Variants in SORCS2 observed in about 807,000 individuals in gnomAD.
The protein encoded by SORCS2 is sortilin related VPS10 domain containing receptor 2.
SORCS2 carries 100 observed loss-of-function variants against 141.6 expected under a neutral mutation model. The observed-to-expected ratio is 0.71, with a 90% CI of 0.60 to 0.83. The LOEUF is 0.83. Among genes scored for constraint, SORCS2 ranks in the 40% least tolerant of loss-of-function variants. The pLI is 0.00. For missense variants in SORCS2, 1,646 were observed against 1,560.2 expected (o/e 1.05, Z -0.93); for synonymous variants, 789 against 676.9 (o/e 1.17, Z -2.57).
intron 3 of SORCS2, among the ~76,000 whole-genome samples, chr4:7,596,409 T>C (rs1396304726): frequency 1.3e-5 from 2 of 152,190 alleles, no homozygotes; most frequent in Non-Finnish European, 2.9e-5. Context: ...GACCTGCATG[T>C]CAGATTCTGT....
At chr4:7,348,816 G>A (rs935279105) in intron 1 of SORCS2, among the ~76,000 whole-genome samples, 4 of 152,216 alleles carry the variant, frequency 2.6e-5, no homozygotes, top group East Asian at 1.9e-4. Flanking sequence ...GTCTCCCAAA[G>A]TGCAGGGATT....
chr4:7,358,624 G>A (rs930325436), intron 1 of SORCS2, among the ~76,000 whole-genome samples: 5 of 152,152 alleles, frequency 3.3e-5, no homozygotes, highest in Admixed American at 6.5e-5. Context: ...TCTAAGTAGC[G>A]TTTCTATTTG....
intron 2 of SORCS2, among the ~76,000 whole-genome samples, chr4:7,450,038 C>G (rs1728340189): frequency 7.2e-5 from 11 of 152,228 alleles, no homozygotes; most frequent in Admixed American, 7.2e-4. Flanking sequence ...TTTCCTGTGT[C>G]TTGTCAGGGT....
chr4:7,604,648 C>G (rs1482863216), intron 3 of SORCS2, among the ~76,000 whole-genome samples: 1 of 152,234 alleles, frequency 6.6e-6, no homozygotes, highest in Non-Finnish European at 1.5e-5. Context: ...CACATTCATT[C>G]TCTCTTCTGT....
rs117965385 is a variant in SORCS2 at position 7,527,069 on chromosome 4, A to T, written c.549-4461A>T. On this transcript the variant is annotated intron_variant, in intron 2 of 26. Transcript: ENST00000507866. ...CTGCGGGTCAGTGGTGCTGCCCGAC[A>T]ATGCGGGTCCAGCCCTCTCTGTGGC... 1.5e-3 allele frequency among the ~76,000 whole-genome samples: 229 copies of T among 152,300 alleles called. 5 individuals are homozygous for T. The East Asian group carries it at 0.034, about 23-fold the overall frequency.
chr4:7,287,915 C>G (rs917921629), intron 1 of SORCS2, among the ~76,000 whole-genome samples: 1 of 152,210 alleles, frequency 6.6e-6, no homozygotes, highest in Non-Finnish European at 1.5e-5. Context: ...GCATGTAAAT[C>G]CTCCACATGC....
At chr4:7,434,303 G>T (rs1464100123) in intron 2 of SORCS2, 1 of 1,611,832 alleles carries the variant, frequency 6.2e-7, no homozygotes, top group Non-Finnish European at 8.5e-7. Flanking sequence ...TCCTGGAGTC[G>T]GGAGACCTGC....
intron 3 of SORCS2, among the ~76,000 whole-genome samples, chr4:7,543,844 T>TCATC (rs1712980643): frequency 8.2e-5 from 1 of 12,244 alleles, no homozygotes; most frequent in African/African-American, 3.3e-4. Context: ...ATCCATCCAC[T>TCATC]CATCCGTCCA....
chr4:7,378,351 C>T (rs1260866332), intron 1 of SORCS2, among the ~76,000 whole-genome samples: 2 of 152,058 alleles, frequency 1.3e-5, no homozygotes, highest in African/African-American at 4.8e-5. Flanking sequence ...TGAAGAAATA[C>T]CCGAGACTGG....
At chr4:7,353,797 C>A (rs1721091434) in intron 1 of SORCS2, among the ~76,000 whole-genome samples, 1 of 152,100 alleles carries the variant, frequency 6.6e-6, no homozygotes, top group Non-Finnish European at 1.5e-5. Context: ...CAGTTTAAGT[C>A]CGACCCTTAT....
Position 7,193,054 on chromosome 4 carries a change from C to A in SORCS2, c.408C>A (p.Ser136Arg), listed in dbSNP as rs369424240. Residue 136 changes from serine to arginine, a missense_variant, in exon 1 of 27, where the codon AGC becomes AGA. Coordinates refer to ENST00000507866, the MANE Select transcript of SORCS2 (RefSeq NM_020777.3). This position sits in a 1 kb window ranked among gnomAD's most constrained non-coding sequence, Gnocchi z 4.8. ...CGCGGGCGCAGGTCTCGCTCATCAG[C>A]ACGTCGTTCGTGCTCAAGGGGGACG... is the stretch of plus-strand genomic sequence containing the variant. The part of the protein sequence containing the change: ...VASRAQVSLI[S>R]TSFVLKGDAT... 1.3e-6 allele frequency: 2 copies of A among 1,545,238 alleles called. No homozygotes were observed. The highest frequency in any genetic ancestry group is 1.7e-6 in the Non-Finnish European group (2 of 1,156,398).
chr4:7,614,054 C>G (rs1013472113), intron 3 of SORCS2, among the ~76,000 whole-genome samples: 3 of 151,642 alleles, frequency 2.0e-5, no homozygotes, highest in Non-Finnish European at 2.9e-5. Flanking sequence ...TTTATCCATC[C>G]ACCTATCCAC....
At chr4:7,337,117 A>T (rs1720036344) in intron 1 of SORCS2, among the ~76,000 whole-genome samples, 2 of 152,098 alleles carry the variant, frequency 1.3e-5, no homozygotes, top group African/African-American at 4.8e-5. Context: ...TCCCGTCTGG[A>T]GCCTCACCGA....
intron 2 of SORCS2, among the ~76,000 whole-genome samples, chr4:7,491,880 C>T (rs1425902258): frequency 6.6e-6 from 1 of 152,180 alleles, no homozygotes; most frequent in Non-Finnish European, 1.5e-5. Flanking sequence ...GCTGTGCTCC[C>T]AGCTGTGGGA....
At chr4:7,589,407 G>GTTTTGT (rs11386279) in intron 3 of SORCS2, among the ~76,000 whole-genome samples, 3 of 151,854 alleles carry the variant, frequency 2.0e-5, no homozygotes, top group Admixed American at 6.5e-5. Flanking sequence ...TTGTTTGTTT[G>GTTTTGT]TTTGTTTTGT....
intron 1 of SORCS2, among the ~76,000 whole-genome samples, chr4:7,370,688 G>A (rs1722193738): frequency 6.6e-6 from 1 of 152,184 alleles, no homozygotes; most frequent in South Asian, 2.1e-4. Flanking sequence ...CCGAGCTGGT[G>A]TCCCCACGAG....
chr4:7,597,681 T>G (rs561581831), intron 3 of SORCS2, among the ~76,000 whole-genome samples: 1 of 124,256 alleles, frequency 8.0e-6, no homozygotes, highest in African/African-American at 3.2e-5. Context: ...AGGGAGGGGC[T>G]ACACAATGGG....
chr4:7,385,961 C>A (rs1165670745), intron 1 of SORCS2, among the ~76,000 whole-genome samples: 3 of 152,198 alleles, frequency 2.0e-5, no homozygotes, highest in Non-Finnish European at 2.9e-5. Context: ...TGAAAATGAG[C>A]ATCTTCCTCA....
chr4:7,513,231 G>A (rs759304581), intron 2 of SORCS2, among the ~76,000 whole-genome samples: 5 of 152,210 alleles, frequency 3.3e-5, no homozygotes, highest in Middle Eastern at 3.2e-3. Flanking sequence ...AATACCGTGC[G>A]CTACAGGTGT....
Sources: gnomAD v4.1 joint callset for allele counts (sites outside exome capture counted in the v4.1 genomes callset) on GRCh38, gnomAD v4.1.1 for gene constraint, Gnocchi (gnomAD v3.1) non-coding constraint, MANE v1.5 for transcripts, NCBI Gene and HGNC (gene_info 2026-07-23, HGNC 2026-07-21) for gene names.